CEP290: variants seen among roughly 807,000 people sequenced by gnomAD.
The protein encoded by CEP290 is centrosomal protein 290.
Under a neutral mutation model 344.9 loss-of-function variants are expected in CEP290, and 317 were observed. That is an observed-to-expected ratio of 0.92 (90% CI 0.84 to 1.01). CEP290 has a LOEUF of 1.01. Ranked by LOEUF, CEP290 falls within the 50% of genes least tolerant of loss-of-function variation. The probability of loss-of-function intolerance (pLI) is 0.00; values close to 1 mark genes in which losing one functional copy is unlikely to be tolerated. For missense variants in CEP290, 2,754 were observed against 2,761.4 expected (o/e 1.00, Z 0.06); for synonymous variants, 932 against 895.8 (o/e 1.04, Z -0.72).
rs1202346182 is a variant in CEP290 at position 88,118,552 on chromosome 12, C to T, written c.1642G>A (p.Glu548Lys). 6.3e-7 allele frequency: 1 copy of T among 1,591,774 alleles called. No homozygotes were observed. Among genetic ancestry groups the T allele is most frequent in the East Asian group, 2.3e-5 (1 of 44,306 alleles). ...ATTTTTTTTTTCAGATCAAGTCGTT[C>T]TTCCTCTAGACTTTCAATCTGCAAA... The part of the protein sequence containing the change: ...LLKEIESLEE[E>K]RLDLKKKIRQ... Residue 548 changes from glutamate to lysine, a missense_variant, in exon 17 of 54, where the codon GAA (glutamate) becomes AAA (lysine). Glu to Lys is a moderately conservative substitution (Grantham distance 56). Coordinates refer to ENST00000552810, the MANE Select transcript of CEP290 (RefSeq NM_025114.4).
chr12:88,073,406 T>C (rs1470243987), intron 41 of CEP290, among the ~76,000 whole-genome samples: 3 of 152,230 alleles, frequency 2.0e-5, no homozygotes, highest in Non-Finnish European at 4.4e-5. Context: ...TAGTTCATTA[T>C]ATTTTCCAAT....
chr12:88,058,929 T>G lies in CEP290; in HGVS notation c.6737A>C (p.Lys2246Thr), dbSNP rs1481262821. ...KMTVQLEETG[K>T]RLQFAESRGP... is the part of the protein sequence containing the mutation. ...TCTGCTTTCTGCAAACTGCAATCTC[T>G]TACCAGTCTCTTCTAGTTGAACTGT... Residue 2246 changes from lysine to threonine, a missense_variant, in exon 49 of 54, where the codon AAG becomes ACG. Coordinates refer to ENST00000552810, the MANE Select transcript of CEP290 (RefSeq NM_025114.4). The G allele has an allele frequency of 6.2e-7, 1 of 1,613,874 alleles. No individual in the cohort carries two copies.
chr12:88,111,345 GGTCT>G lies in CEP290; in HGVS notation c.2220_2223del (p.Asp741IlefsTer28). 1 of 1,560,040 alleles carries G rather than the reference GGTCT, an allele frequency of 6.4e-7. No homozygotes were observed. The highest frequency in any genetic ancestry group is 2.4e-5 in the East Asian group (1 of 42,552). On this transcript the variant is annotated frameshift_variant and splice_region_variant, in exon 22 of 54. Transcript: ENST00000552810. LOFTEE classifies it high-confidence loss of function. ...AAAAGACTAGTTTCTTTTTCAAGAT[GGTCT>G]ATCTGGAAAAAAAAATCCAGCAATG...
chr12:88,092,488 T>C (rs1260018499), intron 29 of CEP290, among the ~76,000 whole-genome samples, 193 bp downstream of exon 29: 4 of 152,194 alleles, frequency 2.6e-5, no homozygotes, highest in Non-Finnish European at 5.9e-5. Flanking sequence ...ACTTCCTCTT[T>C]AACAATATTA....
At chr12:88,122,608 T>C (rs1389985264) in intron 13 of CEP290, among the ~76,000 whole-genome samples, 1 of 152,184 alleles carries the variant, frequency 6.6e-6, no homozygotes, top group African/African-American at 2.4e-5. Context: ...TTAGGGATTA[T>C]ATAACTACGG....
chr12:88,090,500 C>A (rs986733742), intron 30 of CEP290, among the ~76,000 whole-genome samples: 1 of 152,052 alleles, frequency 6.6e-6, no homozygotes, highest in Non-Finnish European at 1.5e-5. Context: ...TGTGGTGGCA[C>A]GTGCCTGTAG....
chr12:88,083,036 T>C lies in CEP290; in HGVS notation c.5007A>G (p.Lys1669=). 6.8e-7 allele frequency: 1 copy of C among 1,477,708 alleles called. No individual in the cohort carries two copies. Among genetic ancestry groups the C allele is most frequent in the South Asian group, 1.3e-5 (1 of 77,022 alleles). 91.5% of individuals were successfully genotyped at this position (1,477,708 alleles called of 1,614,324 possible). A position where few individuals can be genotyped will look rare whatever the true frequency, so the allele number is the denominator to read the frequency against. ...ELKVKEFENI[K]LQLQENHEDE... is the part of the protein sequence containing the mutation. ...AATACATTTCGAAGACTTACTGTAA[T>C]TTGATATTTTCAAATTCTTTTACTT... The change falls in exon 37 of 54, where the codon AAA becomes AAG. Residue 1669 remains lysine (K), a synonymous_variant. Transcript: ENST00000552810.
chr12:88,069,982 T>C (rs1463760336), intron 43 of CEP290, among the ~76,000 whole-genome samples: 2 of 152,170 alleles, frequency 1.3e-5, no homozygotes, highest in Non-Finnish European at 2.9e-5. Flanking sequence ...TAAATAGTTT[T>C]AGCTGTTGTC....
At chr12:88,088,310 A>G (rs1271494572) in intron 31 of CEP290, among the ~76,000 whole-genome samples, 7 of 152,208 alleles carry the variant, frequency 4.6e-5, no homozygotes, top group African/African-American at 1.7e-4. Flanking sequence ...TAGTTGCAAG[A>G]TAATTATTTT....
At chr12:88,109,333 T>C in intron 22 of CEP290, among the ~76,000 whole-genome samples, 152 bp from the exon 23 acceptor site, 1 of 152,174 alleles carries the variant, frequency 6.6e-6, no homozygotes, top group East Asian at 1.9e-4. Flanking sequence ...CATGATATTT[T>C]GAACACTTTA....
Position 88,053,702 on chromosome 12 carries a change from T to A in CEP290, c.7079A>T (p.His2360Leu). 6.4e-7 allele frequency: 1 copy of A among 1,554,796 alleles called. No homozygotes were observed. Among genetic ancestry groups the A allele is most frequent in the Admixed American group, 1.9e-5 (1 of 52,666 alleles). ...QLDKEKAELI[H>L]QIEANKDQSG... The stretch of plus-strand genomic sequence containing the variant: ...TTGGTCCTTGTTAGCTTCTATCTGA[T>A]GGATTAATTCTGCTTTCTCTTTATC... The change falls in exon 52 of 54, where the codon CAT (histidine) becomes CTT (leucine). Residue 2360 changes from histidine to leucine, a missense_variant. Transcript: ENST00000552810.
chr12:88,115,507 G>C, intron 18 of CEP290: 11 of 1,297,850 alleles, frequency 8.5e-6, no homozygotes, highest in Non-Finnish European at 1.1e-5. Flanking sequence ...TGATGTTCAA[G>C]CTCTATATCT....
In CEP290 at chr12:88,096,918, C is replaced by G; in HGVS notation, c.3073G>C (p.Glu1025Gln). Residue 1025 changes from glutamate to glutamine, a missense_variant, in exon 27 of 54, where the codon GAA (glutamate) becomes CAA (glutamine). By Grantham distance (29) the Glu-to-Gln change is conservative (BLOSUM62 2). Transcript: ENST00000552810. ...EITKEKLHTI[E>Q]QAWEQETKLG... is the part of the protein sequence containing the mutation. ...TTAGTTTCCTGTTCCCAGGCTTGTTCAATAGTGTGAAGTTTTTCCTTGGTA... is the reference window on the plus strand; with the variant it reads ...TTAGTTTCCTGTTCCCAGGCTTGTTGAATAGTGTGAAGTTTTTCCTTGGTA... The G allele has an allele frequency of 6.3e-7, 1 of 1,577,776 alleles. No homozygotes were observed. Among genetic ancestry groups the G allele is most frequent in the Non-Finnish European group, 8.6e-7 (1 of 1,158,260 alleles).
chr12:88,120,373 G>T, intron 14 of CEP290, 97 bp from the exon 15 acceptor site: 1 of 547,824 alleles, frequency 1.8e-6, no homozygotes, highest in Non-Finnish European at 3.0e-6. Context: ...AAAGGAAAAT[G>T]TACATATGCC....
Position 88,097,610 on chromosome 12 carries a change from T to C in CEP290, c.2992-611A>G, listed in dbSNP as rs10858686. The stretch of plus-strand genomic sequence containing the variant: ...ATATATATATACACACACACACACA[T>C]ACACACACACACACACACACACACA... On this transcript the variant is annotated intron_variant, in intron 26 of 53. Coordinates refer to ENST00000552810, the MANE Select transcript of CEP290 (RefSeq NM_025114.4). Among the ~76,000 whole-genome samples the C allele has an allele frequency of 3.1e-3, 442 of 144,282 alleles. 6 individuals carry two copies. In the East Asian group the frequency reaches 0.034, roughly 11 times the overall value. The allele number at this position is 144,282 out of a possible 152,430, so 94.7% of individuals were successfully genotyped here.
intron 11 of CEP290, among the ~76,000 whole-genome samples, chr12:88,128,214 C>T (rs2039849876): frequency 1.3e-5 from 2 of 152,090 alleles, no homozygotes; most frequent in South Asian, 4.1e-4. Flanking sequence ...TTTATGGAGA[C>T]ATGACTGATT....
At chr12:88,092,934 A>G in intron 28 of CEP290, 102 bp from the exon 29 acceptor site, 1 of 1,038,170 alleles carries the variant, frequency 9.6e-7, no homozygotes, top group Non-Finnish European at 1.4e-6. Flanking sequence ...ACTTGGCCTT[A>G]GTTCACATAT....
At chr12:88,093,643 A>G (rs1412694659) in intron 28 of CEP290, 127 bp downstream of exon 28, 3 of 633,124 alleles carry the variant, frequency 4.7e-6, no homozygotes, top group Non-Finnish European at 8.0e-6. Flanking sequence ...TATTTATTAC[A>G]CAAAACATAG....
chr12:88,056,492 A>T (rs1243220111), intron 49 of CEP290, among the ~76,000 whole-genome samples: 1 of 152,214 alleles, frequency 6.6e-6, no homozygotes, highest in Non-Finnish European at 1.5e-5. Flanking sequence ...ACAGCTTTTG[A>T]TAGATCTTAG....
Sources: gnomAD v4.1 joint callset for allele counts (sites outside exome capture counted in the v4.1 genomes callset) on GRCh38, gnomAD v4.1.1 for gene constraint, MANE v1.5 for transcripts, NCBI Gene and HGNC (gene_info 2026-07-23, HGNC 2026-07-21) for gene names.